CSMD3: variants seen among roughly 807,000 people sequenced by gnomAD.
The protein encoded by CSMD3 is CUB and sushi domain-containing protein 3.
Under a neutral mutation model 435.2 loss-of-function variants are expected in CSMD3, and 177 were observed. The observed-to-expected ratio is 0.41, with a 90% CI of 0.36 to 0.46. CSMD3 has a LOEUF of 0.46. Among genes scored for constraint, CSMD3 ranks in the 20% least tolerant of loss-of-function variants. CSMD3 has a pLI of 0.34. For synonymous variants in CSMD3, 1,656 were observed against 1,520.5 expected (o/e 1.09, Z -2.07); for missense variants, 4,265 against 4,504.6 (o/e 0.95, Z 1.52).
chr8:112,876,230 A>T (rs117684223), intron 10 of CSMD3, among the ~76,000 whole-genome samples: 1 of 152,140 alleles, frequency 6.6e-6, no homozygotes, highest in Non-Finnish European at 1.5e-5. Flanking sequence ...ACAGATTCAT[A>T]GCCAAACTCT....
At chr8:113,266,467 C>G (rs187057371) in intron 3 of CSMD3, among the ~76,000 whole-genome samples, 2 of 151,384 alleles carry the variant, frequency 1.3e-5, no homozygotes, top group Non-Finnish European at 3.0e-5. Context: ...TCACAGCTAA[C>G]AGTTCTAAAT....
intron 9 of CSMD3, among the ~76,000 whole-genome samples, chr8:112,922,293 T>C (rs766559983): frequency 3.3e-5 from 5 of 151,980 alleles, no homozygotes; most frequent in Non-Finnish European, 5.9e-5. Flanking sequence ...TTTCATGAAG[T>C]CATGCAATAC....
At chr8:112,500,004 G>C (rs182112024) in intron 30 of CSMD3, among the ~76,000 whole-genome samples, 139 of 152,212 alleles carry the variant, frequency 9.1e-4, no homozygotes, top group African/African-American at 3.2e-3. Flanking sequence ...AACTACTCAG[G>C]GGGCTGAGGG....
intron 13 of CSMD3, among the ~76,000 whole-genome samples, chr8:112,764,545 A>T (rs1163146393): frequency 6.6e-6 from 1 of 151,488 alleles, no homozygotes; most frequent in African/African-American, 2.4e-5. Flanking sequence ...GGTAAACTTG[A>T]GGGCTAAGTG....
At chr8:112,650,554 C>T (rs1009112190) in intron 18 of CSMD3, among the ~76,000 whole-genome samples, 3 of 152,102 alleles carry the variant, frequency 2.0e-5, no homozygotes, top group African/African-American at 7.2e-5. Context: ...CATTTAATTA[C>T]ATAAGAACTT....
chr8:113,126,400 T>A (rs142517267), intron 4 of CSMD3, among the ~76,000 whole-genome samples: 6 of 152,034 alleles, frequency 3.9e-5, no homozygotes, highest in Non-Finnish European at 8.8e-5. Flanking sequence ...TCAAAAAATA[T>A]ATATATGTGA....
At chr8:112,982,924 T>C (rs143721162) in intron 6 of CSMD3, among the ~76,000 whole-genome samples, 3 of 152,118 alleles carry the variant, frequency 2.0e-5, no homozygotes, top group African/African-American at 7.2e-5. Context: ...AACACACTTA[T>C]AACATACTTT....
intron 68 of CSMD3, among the ~76,000 whole-genome samples, chr8:112,232,745 G>GA (rs1332237805): frequency 6.6e-6 from 1 of 152,232 alleles, no homozygotes; most frequent in Non-Finnish European, 1.5e-5. Flanking sequence ...TGAGCTGCAA[G>GA]AAAAAGGCAT....
chr8:113,116,323 T>C (rs956181876), intron 4 of CSMD3, among the ~76,000 whole-genome samples: 3 of 152,162 alleles, frequency 2.0e-5, no homozygotes, highest in Non-Finnish European at 4.4e-5. Context: ...CTTATGGTTA[T>C]ATAAGGAGTT....
chr8:113,301,512 T>C (rs560122500), intron 2 of CSMD3, among the ~76,000 whole-genome samples: 9 of 151,980 alleles, frequency 5.9e-5, no homozygotes, highest in African/African-American at 2.2e-4. Flanking sequence ...TGAAATGAGG[T>C]TGCTGATTAG....
At chr8:112,721,600 A>T (rs1226996092) in intron 13 of CSMD3, among the ~76,000 whole-genome samples, 1 of 152,060 alleles carries the variant, frequency 6.6e-6, no homozygotes. Context: ...CAATGATAAC[A>T]ATTTCACAAG....
At chr8:113,363,135 AG>A (rs1295557892) in intron 1 of CSMD3, among the ~76,000 whole-genome samples, 1 of 152,142 alleles carries the variant, frequency 6.6e-6, no homozygotes, top group Non-Finnish European at 1.5e-5. Flanking sequence ...GACTCTCATA[AG>A]GTTAAGCCTA....
chr8:112,506,878 T>C (rs1467471871), intron 28 of CSMD3, 49 bp from the exon 29 acceptor site: 10 of 1,510,942 alleles, frequency 6.6e-6, no homozygotes, highest in South Asian at 1.2e-5. Flanking sequence ...TAATACAATT[T>C]ATTAGCTATC....
At chr8:113,372,433 G>A (rs1442788048) in intron 1 of CSMD3, among the ~76,000 whole-genome samples, 6 of 152,040 alleles carry the variant, frequency 3.9e-5, no homozygotes, top group Non-Finnish European at 2.9e-5. Flanking sequence ...GATGAGAAGC[G>A]GATTGGAGGA....
chr8:113,226,912 T>C (rs2093035212), intron 3 of CSMD3, among the ~76,000 whole-genome samples: 1 of 151,640 alleles, frequency 6.6e-6, no homozygotes, highest in South Asian at 2.1e-4. Context: ...AATTGTACCA[T>C]GATACAGGAT....
chr8:113,260,679 C>A (rs1277000683), intron 3 of CSMD3, among the ~76,000 whole-genome samples: 2 of 151,930 alleles, frequency 1.3e-5, no homozygotes, highest in African/African-American at 2.4e-5. Context: ...ACATAGGTAT[C>A]CATGTGCCAT....
intron 6 of CSMD3, among the ~76,000 whole-genome samples, chr8:113,003,698 AT>A (rs2085950268): frequency 6.6e-6 from 1 of 152,086 alleles, no homozygotes; most frequent in African/African-American, 2.4e-5. Flanking sequence ...AAGAAAAAGC[AT>A]AACTTTGGAT....
intron 4 of CSMD3, among the ~76,000 whole-genome samples, chr8:113,119,480 G>C (rs1386919878): frequency 6.6e-6 from 1 of 152,052 alleles, no homozygotes; most frequent in African/African-American, 2.4e-5. Context: ...AGCCTTAATC[G>C]GTGAACACAC....
chr8:112,477,917 G>A lies in CSMD3; in HGVS notation c.5279-5210C>T, dbSNP rs371814288. On this transcript the variant is annotated intron_variant, in intron 31 of 70. Coordinates refer to ENST00000297405, the MANE Select transcript of CSMD3 (RefSeq NM_198123.2). Reference sequence around the variant, plus strand: ...ATCTCATCTTAAATTCCCATGTGGTGTAAAAAGAACCTGGTGGGAGGTCAC... The same window carrying A: ...ATCTCATCTTAAATTCCCATGTGGTATAAAAAGAACCTGGTGGGAGGTCAC... Among the ~76,000 whole-genome samples, 14 of 152,296 alleles carry A rather than the reference G, an allele frequency of 9.2e-5. 1 individual carries two copies. The highest frequency in any genetic ancestry group is 2.9e-4 in the African/African-American group (12 of 41,566).
Sources: gnomAD v4.1 joint callset for allele counts (sites outside exome capture counted in the v4.1 genomes callset) on GRCh38, gnomAD v4.1.1 for gene constraint, MANE v1.5 for transcripts, NCBI Gene and HGNC (gene_info 2026-07-23, HGNC 2026-07-21) for gene names.